GSG1L: variants seen among roughly 807,000 people sequenced by gnomAD.
GSG1L encodes the protein GSG1 like, also known as germ cell-specific gene 1-like protein.
In GSG1L, 24 loss-of-function variants were observed where a neutral mutation model predicts 42.1. The observed-to-expected ratio is 0.57, with a 90% CI of 0.41 to 0.80. GSG1L has a LOEUF of 0.80. GSG1L is among the 30% of genes least tolerant of loss of function. The pLI, the probability that GSG1L is intolerant of heterozygous loss-of-function variation, is 0.00. For synonymous variants in GSG1L, 215 were observed against 203.5 expected, an observed-to-expected ratio of 1.06 and a Z score of -0.48; for missense variants, 445 against 472.2, an observed-to-expected ratio of 0.94 and a Z score of 0.53.
intron 3 of GSG1L, chr16:27,850,679 T>A: frequency 4.6e-6 from 2 of 433,666 alleles, no homozygotes; most frequent in Non-Finnish European, 9.3e-6. Flanking sequence ...TTTCAAAGCA[T>A]AATGCTGCCT....
intron 2 of GSG1L, among the ~76,000 whole-genome samples, chr16:27,886,301 G>A (rs561799914): frequency 1.1e-4 from 16 of 152,238 alleles, no homozygotes; most frequent in African/African-American, 3.4e-4. Flanking sequence ...GTAGCCGGGC[G>A]TGGTGGCATG....
rs146141586 is a variant in GSG1L, at chr16:27,951,897, C to T, written c.397+11259G>A. 2.0e-4 allele frequency among the ~76,000 whole-genome samples: 30 copies of T among 152,310 alleles called. No homozygotes were observed. In the East Asian group the frequency reaches 4.0e-3, roughly 21 times the overall value. On this transcript the variant is annotated intron_variant, in intron 2 of 6. Coordinates refer to ENST00000447459, the MANE Select transcript of GSG1L (RefSeq NM_001109763.2). ...AGGAACTGAAGTGAGAAATGACTCA[C>T]GCAAGACTCAAGAGTGTGACCATGG...
At chr16:27,900,757 A>G (rs1323545396) in intron 2 of GSG1L, among the ~76,000 whole-genome samples, 2 of 152,100 alleles carry the variant, frequency 1.3e-5, no homozygotes, top group Non-Finnish European at 2.9e-5. Context: ...TTTTCAATGC[A>G]TAAAACAAAT....
chr16:27,903,309 C>T (rs1198473807), intron 2 of GSG1L, among the ~76,000 whole-genome samples: 1 of 152,154 alleles, frequency 6.6e-6, no homozygotes, highest in Non-Finnish European at 1.5e-5. Context: ...AGTATTCCCT[C>T]TGGCTGCCAC....
At chr16:28,043,669 T>A (rs2086133845) in intron 1 of GSG1L, among the ~76,000 whole-genome samples, 1 of 152,214 alleles carries the variant, frequency 6.6e-6, no homozygotes, top group South Asian at 2.1e-4. Flanking sequence ...GGCAAGCATG[T>A]GGAGCAACAG....
intron 5 of GSG1L, among the ~76,000 whole-genome samples, chr16:27,814,227 A>G (rs2083066762): frequency 6.6e-6 from 1 of 152,052 alleles, no homozygotes; most frequent in Admixed American, 6.6e-5. Flanking sequence ...TCCTCCCACC[A>G]CAGCCTTCCA....
intron 6 of GSG1L, among the ~76,000 whole-genome samples, chr16:27,797,588 C>T (rs554868797): frequency 5.3e-5 from 8 of 149,822 alleles, no homozygotes; most frequent in South Asian, 2.1e-4. Context: ...TTTGGGAGGC[C>T]GAGGCGGGTG....
chr16:27,921,383 T>C (rs1184027299), intron 2 of GSG1L, among the ~76,000 whole-genome samples: 2 of 152,236 alleles, frequency 1.3e-5, no homozygotes, highest in Admixed American at 6.5e-5. Context: ...TTCTGATGGT[T>C]GGTGCCGGTG....
At chr16:28,061,223 C>T (rs917592920) in intron 1 of GSG1L, among the ~76,000 whole-genome samples, 1 of 152,216 alleles carries the variant, frequency 6.6e-6, no homozygotes, top group Non-Finnish European at 1.5e-5. Flanking sequence ...ATGTTCCTGA[C>T]AACAAGGTGT....
chr16:28,041,554 T>A (rs2086106377), intron 1 of GSG1L, among the ~76,000 whole-genome samples: 1 of 152,182 alleles, frequency 6.6e-6, no homozygotes. Context: ...AGGGAATGAA[T>A]GAGTAAATGA....
intron 1 of GSG1L, among the ~76,000 whole-genome samples, chr16:27,988,228 C>T (rs980169414): frequency 4.6e-5 from 7 of 151,634 alleles, no homozygotes; most frequent in African/African-American, 1.5e-4. Flanking sequence ...TAAGACAGTA[C>T]AAAATTACTT....
chr16:27,867,604 C>T (rs1011830166), intron 3 of GSG1L, among the ~76,000 whole-genome samples: 6 of 152,246 alleles, frequency 3.9e-5, no homozygotes, highest in African/African-American at 1.4e-4. Context: ...TCCAGGAGCT[C>T]AGCCTTTCCC....
intron 2 of GSG1L, among the ~76,000 whole-genome samples, chr16:27,961,278 C>T (rs879610998): frequency 5.9e-5 from 9 of 152,336 alleles, no homozygotes; most frequent in East Asian, 1.9e-4. Context: ...CCGGGACACA[C>T]GCACACATGC....
At chr16:28,003,597 G>C (rs933172826) in intron 1 of GSG1L, among the ~76,000 whole-genome samples, 1 of 152,204 alleles carries the variant, frequency 6.6e-6, no homozygotes, top group Admixed American at 6.5e-5. Context: ...AGGAAAACGT[G>C]GTTGCCAGCA....
At chr16:27,946,616 AG>A (rs1567529956) in intron 2 of GSG1L, among the ~76,000 whole-genome samples, 34 of 17,972 alleles carry the variant, frequency 1.9e-3, no homozygotes, top group African/African-American at 5.7e-3. Flanking sequence ...AGAGAGAGAG[AG>A]AGAGAGAGAG....
At chr16:27,849,050 G>T (rs536262151) in intron 3 of GSG1L, among the ~76,000 whole-genome samples, 1 of 152,012 alleles carries the variant, frequency 6.6e-6, no homozygotes, top group Non-Finnish European at 1.5e-5. Context: ...ACAAGAATTA[G>T]CCAGGTGTGG....
intron 2 of GSG1L, among the ~76,000 whole-genome samples, chr16:27,929,772 A>T (rs1412190275): frequency 1.3e-5 from 2 of 152,084 alleles, no homozygotes; most frequent in African/African-American, 2.4e-5. Context: ...TGATGAGGTG[A>T]AGCTGTGGGC....
chr16:27,913,040 C>G (rs2084410467), intron 2 of GSG1L, among the ~76,000 whole-genome samples: 2 of 151,988 alleles, frequency 1.3e-5, no homozygotes, highest in South Asian at 4.2e-4. Flanking sequence ...CCAGGCTGCT[C>G]TGAAACTCCT....
intron 6 of GSG1L, among the ~76,000 whole-genome samples, chr16:27,796,638 A>G (rs2082820593): frequency 6.6e-6 from 1 of 152,212 alleles, no homozygotes; most frequent in South Asian, 2.1e-4. Flanking sequence ...ACGGACCCGT[A>G]TGGAGGGAAG....
Sources: allele counts gnomAD v4.1 joint callset (sites outside exome capture counted in the v4.1 genomes callset), GRCh38; gene constraint gnomAD v4.1.1; transcripts MANE v1.5; gene names NCBI Gene and HGNC (gene_info 2026-07-23, HGNC 2026-07-21).